The following ISG20 variants were observed in gnomAD, a reference collection of about 807,000 sequenced individuals.
ISG20 encodes interferon-stimulated gene 20 kDa protein.
In ISG20, 8 loss-of-function variants were observed where a neutral mutation model predicts 11.1. The ratio of observed to expected loss-of-function variants is 0.72; its 90% CI spans 0.42 to 1.30. The LOEUF (loss-of-function observed/expected upper bound fraction) is 1.30, where lower values mean the gene tolerates loss of function less well. Among genes scored for constraint, ISG20 ranks in the 50% most tolerant of loss-of-function variants. The pLI is 0.01. For synonymous variants in ISG20, 110 were observed against 101.7 expected, an observed-to-expected ratio of 1.08 and a Z score of -0.49; for missense variants, 243 against 250.2, an observed-to-expected ratio of 0.97 and a Z score of 0.19.
At position 88,650,183 on chromosome 15, in the gene ISG20, A is replaced by T; in HGVS notation, c.229-1927A>T. 1 of 1,465,290 alleles carries T rather than the reference A, an allele frequency of 6.8e-7. No individual in the cohort carries two copies. The highest frequency in any genetic ancestry group is 9.2e-7 in the Non-Finnish European group (1 of 1,082,922). The allele number at this position is 1,465,290 out of a possible 1,614,324, so 90.8% of individuals were successfully genotyped here. On this transcript the variant is annotated intron_variant, in intron 2 of 3. Transcript: ENST00000306072. The surrounding 1 kb of genome is among the most constrained non-coding windows in gnomAD (Gnocchi z 4.0). ...GAGCTGTCCAAAGTGGGCCTGGACT[A>T]GCCACGAGCCGCCCCTTTCCCTAAT...
At position 88,656,329 on chromosome 15, in the gene ISG20, G is replaced by A. The variant is rs913430645; in HGVS notation, c.*798G>A. 5 of 152,138 alleles carry A rather than the reference G, an allele frequency of 3.3e-5. No individual in the cohort carries two copies. Among genetic ancestry groups the A allele is most frequent in the Admixed American group, 2.6e-4 (4 of 15,270 alleles). 9.4% of individuals were successfully genotyped at this position (152,138 alleles called of 1,614,324 possible). ...AGGAAGAGTCACCGCACTCTGTTTCGGGGCTCGGCTCTCTGAGGGGAGGGC... is the reference window on the plus strand; with the variant it reads ...AGGAAGAGTCACCGCACTCTGTTTCAGGGCTCGGCTCTCTGAGGGGAGGGC... On this transcript the variant is annotated 3_prime_UTR_variant, in exon 4 of 4. Coordinates refer to ENST00000306072, the MANE Select transcript of ISG20 (RefSeq NM_002201.6).
upstream of ISG20, among the ~76,000 whole-genome samples, chr15:88,635,951 T>TTGTG (rs1233290146): frequency 1.4e-4 from 22 of 152,162 alleles, no homozygotes; most frequent in Non-Finnish European, 1.5e-5. Flanking sequence ...TTCAAGCCCA[T>TTGTG]GTTGTTCAAG....
intron 2 of ISG20, chr15:88,648,163 T>C (rs1418437385): frequency 6.6e-6 from 1 of 152,284 alleles, no homozygotes; most frequent in African/African-American, 2.4e-5. Context: ...CCCTTACTCA[T>C]AGCCTCCTCT....
rs941509848 is a variant in ISG20, at chr15:88,639,188, G to A, written c.-25+112G>A. 4.9e-6 allele frequency: 3 copies of A among 606,666 alleles called. No homozygotes were observed. The highest frequency in any genetic ancestry group is 3.7e-5 in the African/African-American group (2 of 53,936). The allele number at this position is 606,666 out of a possible 1,614,324, so 37.6% of individuals were successfully genotyped here. A position where few individuals can be genotyped will look rare whatever the true frequency, so the allele number is the denominator to read the frequency against. On this transcript the variant is annotated intron_variant, in intron 1 of 3. Coordinates refer to ENST00000306072, the MANE Select transcript of ISG20 (RefSeq NM_002201.6). The surrounding 1 kb of genome is among the most constrained non-coding windows in gnomAD (Gnocchi z 4.2). ...GGGACACACGGGCAGGGTAAGGCAG[G>A]GGATGGGGGAGGCAAGAGGCCAGCT... is the stretch of plus-strand genomic sequence containing the variant.
chr15:88,641,404 G>A (rs1288631245), intron 2 of ISG20, among the ~76,000 whole-genome samples: 2 of 152,180 alleles, frequency 1.3e-5, no homozygotes, highest in African/African-American at 2.4e-5. Context: ...TAAACAACAG[G>A]AATGTCCTGT....
intron 2 of ISG20, among the ~76,000 whole-genome samples, chr15:88,640,523 T>G (rs2058062586): frequency 6.6e-6 from 1 of 152,208 alleles, no homozygotes; most frequent in African/African-American, 2.4e-5. Context: ...TTCCCATTAC[T>G]TAACAGCTAA....
In ISG20 at chr15:88,650,392, G is replaced by T. The variant is rs544580531; in HGVS notation, c.229-1718G>T. On this transcript the variant is annotated intron_variant, in intron 2 of 3. Coordinates refer to ENST00000306072, the MANE Select transcript of ISG20 (RefSeq NM_002201.6). This position sits in a 1 kb window ranked among gnomAD's most constrained non-coding sequence, Gnocchi z 4.0. ...CCTGGGCTGCTGGAGGCCTGGAGTGGTCGTTCACTCTTCTGGCTCAGTGTG... is the reference window on the plus strand; with the variant it reads ...CCTGGGCTGCTGGAGGCCTGGAGTGTTCGTTCACTCTTCTGGCTCAGTGTG... 2.6e-6 allele frequency: 4 copies of T among 1,526,062 alleles called. No homozygotes were observed. The African/African-American group carries it at 4.1e-5, about 16-fold the overall frequency. 94.5% of individuals were successfully genotyped at this position (1,526,062 alleles called of 1,614,324 possible). A position where few individuals can be genotyped will look rare whatever the true frequency, so the allele number is the denominator to read the frequency against.
chr15:88,649,099 C>A (rs1219982914), intron 2 of ISG20: 1 of 152,246 alleles, frequency 6.6e-6, no homozygotes, highest in Non-Finnish European at 1.5e-5. Flanking sequence ...TCAAGCCTCA[C>A]CAGTCTGGGC....
At chr15:88,645,412 C>T (rs578234735) in intron 2 of ISG20, among the ~76,000 whole-genome samples, 21 of 152,228 alleles carry the variant, frequency 1.4e-4, no homozygotes, top group Non-Finnish European at 2.1e-4. Flanking sequence ...TTGGGAACTG[C>T]GGTCTTCGAT....
chr15:88,649,662 T>C, intron 2 of ISG20: 1 of 155,084 alleles, frequency 6.4e-6, no homozygotes, highest in Non-Finnish European at 1.4e-5. Flanking sequence ...TGCACAGAGT[T>C]TCCCTTGAGC....
rs189077562 is a variant in ISG20, at chr15:88,650,339, G to A, written c.229-1771G>A. The stretch of plus-strand genomic sequence containing the variant: ...CCATGTGGGAGGCGAGGCGAGGAAC[G>A]CGGGGCTGGGGCAGTCACAGCTGGG... On this transcript the variant is annotated intron_variant, in intron 2 of 3. Transcript: ENST00000306072. This position sits in a 1 kb window ranked among gnomAD's most constrained non-coding sequence, Gnocchi z 4.0. 11 of 1,535,338 alleles carry A rather than the reference G, an allele frequency of 7.2e-6. No individual in the cohort carries two copies. The highest frequency in any genetic ancestry group is 4.9e-5 in the East Asian group (2 of 40,898).
intron 2 of ISG20, 120 bp from the exon 3 acceptor site, chr15:88,651,990 G>A: frequency 6.6e-7 from 1 of 1,525,842 alleles, no homozygotes; most frequent in Admixed American, 2.0e-5. Context: ...AGCCCAGGGA[G>A]GACTGATAAT....
chr15:88,642,747 G>A (rs1030036173), intron 2 of ISG20, among the ~76,000 whole-genome samples: 4 of 152,092 alleles, frequency 2.6e-5, no homozygotes, highest in Admixed American at 6.5e-5. Flanking sequence ...CTCCCAAGTA[G>A]CCTCCCAAGT....
rs2058035232 is a variant in ISG20 at position 88,639,147 on chromosome 15, G to A, written c.-25+71G>A. 1.7e-6 allele frequency: 1 copy of A among 577,158 alleles called. No individual in the cohort carries two copies. 35.8% of individuals were successfully genotyped at this position (577,158 alleles called of 1,614,324 possible). A position where few individuals can be genotyped will look rare whatever the true frequency, so the allele number is the denominator to read the frequency against. On this transcript the variant is annotated intron_variant, in intron 1 of 3. Transcript: ENST00000306072. This position sits in a 1 kb window ranked among gnomAD's most constrained non-coding sequence, Gnocchi z 4.2. ...GCCTTCCCGGTCCCCAGGCTGCGGG[G>A]CAGGCCAGAGGCCCTGGGACACACG...
At chr15:88,655,212 C>T (rs566951250) in intron 3 of ISG20, among the ~76,000 whole-genome samples, 4 of 152,380 alleles carry the variant, frequency 2.6e-5, no homozygotes, top group African/African-American at 9.6e-5. Context: ...GGCTTTCGTG[C>T]CACTGGCCCC....
chr15:88,646,002 G>A (rs988746487), intron 2 of ISG20, among the ~76,000 whole-genome samples: 16 of 152,250 alleles, frequency 1.1e-4, no homozygotes, highest in Admixed American at 9.8e-4. Context: ...TGGCAGCTGC[G>A]TGGAGTAAAA....
At chr15:88,651,460 A>T in intron 2 of ISG20, 1 of 285,454 alleles carries the variant, frequency 3.5e-6, no homozygotes, top group Non-Finnish European at 5.3e-6. Context: ...GGAAGAATCC[A>T]TTTCCTCGCC....
chr15:88,650,301 C>A lies in ISG20; in HGVS notation c.229-1809C>A. On this transcript the variant is annotated intron_variant, in intron 2 of 3. Transcript: ENST00000306072. This position sits in a 1 kb window ranked among gnomAD's most constrained non-coding sequence, Gnocchi z 4.0. Reference sequence around the variant, plus strand: ...AGCTGACTGGCCTGTGTGACCAGAGCAGGGCAGGCTGTCCATGTGGGAGGC... The same window carrying A: ...AGCTGACTGGCCTGTGTGACCAGAGAAGGGCAGGCTGTCCATGTGGGAGGC... 1 of 1,535,674 alleles carries A rather than the reference C, an allele frequency of 6.5e-7. No individual in the cohort carries two copies. The highest frequency in any genetic ancestry group is 1.2e-5 in the South Asian group (1 of 84,064).
At chr15:88,642,068 T>C (rs1289596753) in intron 2 of ISG20, among the ~76,000 whole-genome samples, 1 of 151,820 alleles carries the variant, frequency 6.6e-6, no homozygotes, top group Non-Finnish European at 1.5e-5. Context: ...CAAGTTGTAG[T>C]ATAGGTGTCC....
Sources: gnomAD v4.1 joint callset for allele counts (sites outside exome capture counted in the v4.1 genomes callset) on GRCh38, gnomAD v4.1.1 for gene constraint, Gnocchi (gnomAD v3.1) non-coding constraint, MANE v1.5 for transcripts, NCBI Gene and HGNC (gene_info 2026-07-23, HGNC 2026-07-21) for gene names.